USP6NL: variants seen among roughly 807,000 people sequenced by gnomAD.
USP6NL encodes the protein USP6 N-terminal-like protein.
A neutral mutation model predicts 61.9 loss-of-function variants in USP6NL; 26 were observed. The observed-to-expected ratio is 0.42, with a 90% confidence interval of 0.31 to 0.58. USP6NL has a LOEUF of 0.58. USP6NL is among the 20% of genes least tolerant of loss of function. The pLI is 0.16. For missense variants in USP6NL, 1,114 were observed against 1,034.3 expected, an observed-to-expected ratio of 1.08 and a Z score of -1.06; for synonymous variants, 432 against 390.1, an observed-to-expected ratio of 1.11 and a Z score of -1.27.
intron 1 of USP6NL, among the ~76,000 whole-genome samples, chr10:11,605,064 A>T (rs532038594): frequency 2.6e-4 from 39 of 152,264 alleles, no homozygotes; most frequent in South Asian, 1.5e-3. Flanking sequence ...TTCCTTATTT[A>T]AAAAAAGGAG....
intron 4 of USP6NL, among the ~76,000 whole-genome samples, chr10:11,521,385 T>A (rs911167705): frequency 4.2e-5 from 6 of 144,476 alleles, no homozygotes; most frequent in African/African-American, 1.5e-4. Flanking sequence ...ATATTTTTTT[T>A]TAAATTTTTT....
rs372950157 is a variant in USP6NL, at chr10:11,522,689, G to A, written c.155+2697C>T. Among the ~76,000 whole-genome samples, 27 of 152,254 alleles carry A rather than the reference G, an allele frequency of 1.8e-4. 1 individual carries two copies. Among genetic ancestry groups the A allele is most frequent in the South Asian group, 8.3e-4 (4 of 4,828 alleles). On this transcript the variant is annotated intron_variant, in intron 4 of 14. Coordinates refer to ENST00000609104, the MANE Select transcript of USP6NL (RefSeq NM_014688.5). ...CAATCTACTTTATTTTTTAAAAAGCGGTGAGCTTAGCTATCTTAGTACGTA... is the reference window on the plus strand; with the variant it reads ...CAATCTACTTTATTTTTTAAAAAGCAGTGAGCTTAGCTATCTTAGTACGTA...
rs1224431487 is a variant in USP6NL at position 11,476,036 on chromosome 10, C to T, written c.1078+5734G>A. ...AGAATAGTGGGACTGTGCTCTTCAG[C>T]AGCTCAGTGTCATTCAGAGGAAAAC... is the stretch of plus-strand genomic sequence containing the variant. On this transcript the variant is annotated intron_variant, in intron 14 of 14. Coordinates refer to ENST00000609104, the MANE Select transcript of USP6NL (RefSeq NM_014688.5). The surrounding 1 kb of genome is among the most constrained non-coding windows in gnomAD (Gnocchi z 4.3). Among the ~76,000 whole-genome samples the T allele has an allele frequency of 3.3e-5, 5 of 152,108 alleles. No individual in the cohort carries two copies. The South Asian group carries it at 1.0e-3, about 32-fold the overall frequency.
intron 14 of USP6NL, among the ~76,000 whole-genome samples, chr10:11,477,536 G>A (rs558844616): frequency 1.1e-4 from 17 of 152,240 alleles, no homozygotes; most frequent in African/African-American, 4.1e-4. Context: ...ATATTTTCGA[G>A]CTGTTAAGGA....
At chr10:11,579,356 A>G (rs756183109) in intron 2 of USP6NL, among the ~76,000 whole-genome samples, 3 of 152,222 alleles carry the variant, frequency 2.0e-5, no homozygotes, top group Admixed American at 6.5e-5. Flanking sequence ...TTGCACACAG[A>G]TAAGTTTAAA....
intron 10 of USP6NL, among the ~76,000 whole-genome samples, chr10:11,486,942 A>C (rs1833494855): frequency 6.6e-6 from 1 of 152,148 alleles, no homozygotes; most frequent in Admixed American, 6.5e-5. Flanking sequence ...TACTGGGCAG[A>C]ATTATTTCTT....
intron 5 of USP6NL, among the ~76,000 whole-genome samples, chr10:11,517,431 G>A (rs12572295): frequency 0.095 from 14,450 of 152,174 alleles, 791 homozygotes; most frequent in South Asian, 0.2. Context: ...GCCACCAGTC[G>A]TCTCCTACCT....
In USP6NL at chr10:11,471,965, T is replaced by TAAAA. The variant is rs543232536; in HGVS notation, c.1079-8120_1079-8117dup. 1.5e-3 allele frequency among the ~76,000 whole-genome samples: 208 copies of TAAAA among 137,870 alleles called. 1 individual carries two copies. In the East Asian group the frequency reaches 0.016, roughly 11 times the overall value. 90.4% of individuals were successfully genotyped at this position (137,870 alleles called of 152,430 possible). ...CATTGTGCACATGTACCCTAAAACT[T>TAAAA]AAAAAAAAAAAAAAAGACTTACTGC... On this transcript the variant is annotated intron_variant, in intron 14 of 14. Coordinates refer to ENST00000609104, the MANE Select transcript of USP6NL (RefSeq NM_014688.5).
intron 2 of USP6NL, among the ~76,000 whole-genome samples, chr10:11,539,499 G>A (rs1835967290): frequency 6.6e-6 from 1 of 152,332 alleles, no homozygotes; most frequent in South Asian, 2.1e-4. Flanking sequence ...AGGATATGAA[G>A]TGATGTAACA....
intron 6 of USP6NL, among the ~76,000 whole-genome samples, chr10:11,505,108 A>G (rs1016432253): frequency 2.0e-5 from 3 of 152,190 alleles, no homozygotes; most frequent in Non-Finnish European, 4.4e-5. Context: ...CTTATCTTAG[A>G]GATAACAGAA....
rs1209541590 is a variant in USP6NL at position 11,460,814 on chromosome 10, T to C, written c.*1627A>G. ...TCAGCTACATATTTATATACATTTATTTCTCAGCTTCCACCTGACCTGCAT... is the reference window on the plus strand; with the variant it reads ...TCAGCTACATATTTATATACATTTACTTCTCAGCTTCCACCTGACCTGCAT... On this transcript the variant is annotated 3_prime_UTR_variant, in exon 15 of 15. Transcript: ENST00000609104. The C allele has an allele frequency of 6.6e-6, 1 of 152,396 alleles. No homozygotes were observed. The highest frequency in any genetic ancestry group is 1.5e-5 in the Non-Finnish European group (1 of 67,972). The allele number at this position is 152,396 out of a possible 1,614,324, so 9.4% of individuals were successfully genotyped here.
chr10:11,475,734 A>G (rs762250488), intron 14 of USP6NL, among the ~76,000 whole-genome samples: 4 of 152,128 alleles, frequency 2.6e-5, no homozygotes, highest in Non-Finnish European at 4.4e-5. Context: ...TTAAAGGGAA[A>G]CTGGACATCT....
intron 2 of USP6NL, among the ~76,000 whole-genome samples, chr10:11,581,335 C>G (rs1837764696): frequency 6.6e-6 from 1 of 152,236 alleles, no homozygotes; most frequent in Non-Finnish European, 1.5e-5. Flanking sequence ...TTCACACTTT[C>G]ATATGTGTCA....
intron 6 of USP6NL, among the ~76,000 whole-genome samples, chr10:11,506,459 T>C (rs896066500): frequency 2.0e-5 from 3 of 151,916 alleles, no homozygotes; most frequent in Middle Eastern, 3.4e-3. Flanking sequence ...CTGGGCAACA[T>C]AGCAAGACCC....
chr10:11,518,070 A>G lies in USP6NL; in HGVS notation c.195+465T>C, dbSNP rs1835033118. On this transcript the variant is annotated intron_variant, in intron 5 of 14. Coordinates refer to ENST00000609104, the MANE Select transcript of USP6NL (RefSeq NM_014688.5). The surrounding 1 kb of genome is among the most constrained non-coding windows in gnomAD (Gnocchi z 5.3). ...ACTTAAAATACTAAAATACTGACCC[A>G]CAGAAAACGATTTTGGTTGTTGTAA... 6.6e-6 allele frequency among the ~76,000 whole-genome samples: 1 copy of G among 152,212 alleles called. No homozygotes were observed. Among genetic ancestry groups the G allele is most frequent in the African/African-American group, 2.4e-5 (1 of 41,448 alleles).
At position 11,528,916 on chromosome 10, in the gene USP6NL, C is replaced by A. The variant is rs934597542; in HGVS notation, c.5-1349G>T. On this transcript the variant is annotated intron_variant, in intron 2 of 14. Transcript: ENST00000609104. This position sits in a 1 kb window ranked among gnomAD's most constrained non-coding sequence, Gnocchi z 4.6. ...CCGGGTGCAGGGTGGAAAACCAAAC[C>A]CTCATTCTCCAAAGCAGGAAACCAA... is the stretch of plus-strand genomic sequence containing the variant. Among the ~76,000 whole-genome samples the A allele has an allele frequency of 1.3e-5, 2 of 152,170 alleles. No individual in the cohort carries two copies. Among genetic ancestry groups the A allele is most frequent in the East Asian group, 3.9e-4 (2 of 5,172 alleles).
chr10:11,550,381 T>A (rs939871026), intron 2 of USP6NL, among the ~76,000 whole-genome samples: 2 of 152,080 alleles, frequency 1.3e-5, no homozygotes, highest in African/African-American at 4.8e-5. Flanking sequence ...AAGGCTTATA[T>A]CCAGATTAAA....
intron 2 of USP6NL, among the ~76,000 whole-genome samples, chr10:11,555,431 A>ATAT (rs1169769717): frequency 2.2e-4 from 17 of 77,928 alleles, no homozygotes; most frequent in African/African-American, 2.3e-4. Flanking sequence ...AAAAAAAAAA[A>ATAT]AAATATATAT....
intron 2 of USP6NL, among the ~76,000 whole-genome samples, chr10:11,581,614 G>T (rs1201865914): frequency 1.3e-5 from 2 of 152,322 alleles, no homozygotes; most frequent in East Asian, 3.9e-4. Context: ...AACATAATCT[G>T]TAAATATTCA....
Sources: allele counts gnomAD v4.1 joint callset (sites outside exome capture counted in the v4.1 genomes callset), GRCh38; gene constraint gnomAD v4.1.1; non-coding constraint Gnocchi (gnomAD v3.1); transcripts MANE v1.5; gene names NCBI Gene and HGNC (gene_info 2026-07-23, HGNC 2026-07-21).